The following OPCML variants were observed in gnomAD, a reference collection of about 807,000 sequenced individuals.
The protein encoded by OPCML is opioid binding protein/cell adhesion molecule like.
OPCML carries 13 observed loss-of-function variants against 37.8 expected under a neutral mutation model. That is an observed-to-expected ratio of 0.34 (90% confidence interval 0.22 to 0.55). The LOEUF (loss-of-function observed/expected upper bound fraction) is 0.55, where lower values mean the gene tolerates loss of function less well. OPCML is among the 20% of genes least tolerant of loss of function. The pLI is 0.91. For missense variants in OPCML, 341 were observed against 435.6 expected (o/e 0.78, Z 1.93); for synonymous variants, 176 against 168.8 (o/e 1.04, Z -0.33).
intron 2 of OPCML, among the ~76,000 whole-genome samples, chr11:132,887,872 T>C (rs904603672): frequency 1.3e-5 from 2 of 152,216 alleles, no homozygotes; most frequent in East Asian, 3.9e-4. Flanking sequence ...ATGTGAAATA[T>C]ATTTCCTATC....
chr11:132,687,570 A>T (rs1271006943), intron 2 of OPCML, among the ~76,000 whole-genome samples: 2 of 151,534 alleles, frequency 1.3e-5, no homozygotes, highest in Non-Finnish European at 2.9e-5. Flanking sequence ...TTTCTATTAT[A>T]TTCTTTTCTT....
At chr11:133,339,449 T>G (rs1943814210) in intron 1 of OPCML, among the ~76,000 whole-genome samples, 1 of 152,222 alleles carries the variant, frequency 6.6e-6, no homozygotes, top group Non-Finnish European at 1.5e-5. Context: ...CAGGGAGGGC[T>G]GCCCACTGTT....
chr11:132,701,563 A>G (rs1170251872), intron 2 of OPCML, among the ~76,000 whole-genome samples: 8 of 152,218 alleles, frequency 5.3e-5, no homozygotes, highest in Non-Finnish European at 1.2e-4. Flanking sequence ...CCTTGTTGAC[A>G]GCAAATAGTT....
chr11:133,459,445 A>T (rs552961845), intron 1 of OPCML, among the ~76,000 whole-genome samples: 1 of 152,200 alleles, frequency 6.6e-6, no homozygotes, highest in Non-Finnish European at 1.5e-5. Context: ...ATGGATTGAA[A>T]GAAAGAATCC....
chr11:132,916,669 G>A (rs186216934), intron 2 of OPCML, among the ~76,000 whole-genome samples: 2 of 152,274 alleles, frequency 1.3e-5, no homozygotes, highest in East Asian at 1.9e-4. Flanking sequence ...AGAAGTCACC[G>A]GAAGAGAAGA....
At chr11:132,444,994 C>T (rs1447634844) in intron 4 of OPCML, among the ~76,000 whole-genome samples, 1 of 152,234 alleles carries the variant, frequency 6.6e-6, no homozygotes, top group Non-Finnish European at 1.5e-5. Context: ...AGCGCCTGGT[C>T]AATGTCTCAC....
chr11:133,438,599 C>T (rs1194013731), intron 1 of OPCML, among the ~76,000 whole-genome samples: 2 of 152,144 alleles, frequency 1.3e-5, no homozygotes, highest in Non-Finnish European at 2.9e-5. Flanking sequence ...GATATTTGAT[C>T]TTTGCACCTT....
chr11:132,591,581 T>C (rs1026234811), intron 3 of OPCML, among the ~76,000 whole-genome samples: 1 of 152,214 alleles, frequency 6.6e-6, no homozygotes, highest in Non-Finnish European at 1.5e-5. Flanking sequence ...AATCCTCCAC[T>C]GTGCTGAGAA....
rs71477765 is a variant in OPCML at position 132,570,755 on chromosome 11, G to GTATATATATATATA, written c.380-41583_380-41570dup. Among the ~76,000 whole-genome samples the GTATATATATATATA allele has an allele frequency of 2.1e-3, 63 of 30,112 alleles. 3 individuals carry two copies. Among genetic ancestry groups the GTATATATATATATA allele is most frequent in the Non-Finnish European group, 2.8e-3 (44 of 15,840 alleles). The allele number at this position is 30,112 out of a possible 152,430, so 19.8% of individuals were successfully genotyped here. A position where few individuals can be genotyped will look rare whatever the true frequency, so the allele number is the denominator to read the frequency against. ...CTCAGGGGAATAGGCAGGAAAGAGA[G>GTATATATATATATA]TATATATATATATATATATATATAT... On this transcript the variant is annotated intron_variant, in intron 3 of 7. Transcript: ENST00000524381.
chr11:133,103,114 T>C (rs1373570851), intron 1 of OPCML, among the ~76,000 whole-genome samples: 1 of 152,338 alleles, frequency 6.6e-6, no homozygotes, highest in East Asian at 1.9e-4. Context: ...ACAACATTAC[T>C]TTTTTTCTAA....
intron 3 of OPCML, among the ~76,000 whole-genome samples, chr11:132,547,140 T>A (rs1395157591): frequency 6.6e-6 from 1 of 152,224 alleles, no homozygotes; most frequent in Non-Finnish European, 1.5e-5. Flanking sequence ...GCTTGGCACA[T>A]ACTCAGTGGG....
intron 1 of OPCML, among the ~76,000 whole-genome samples, chr11:133,487,771 GTGTT>G (rs748003373): frequency 1.3e-3 from 167 of 131,028 alleles, no homozygotes; most frequent in Admixed American, 3.3e-3. Flanking sequence ...GAGATACTCT[GTGTT>G]TGTGTGTGTG....
chr11:133,420,112 C>T (rs2155777), intron 1 of OPCML: 39,817 of 271,056 alleles, frequency 0.15, 3,210 homozygotes, highest in African/African-American at 0.16. Context: ...TTGAAAATAC[C>T]GTGCTAGAGA....
At chr11:132,952,978 G>A (rs1444219032) in intron 1 of OPCML, among the ~76,000 whole-genome samples, 1 of 152,024 alleles carries the variant, frequency 6.6e-6, no homozygotes, top group Non-Finnish European at 1.5e-5. Flanking sequence ...AAATAAACAA[G>A]CCAACCTAAG....
chr11:133,410,803 C>T (rs1328726873), intron 1 of OPCML, among the ~76,000 whole-genome samples: 2 of 152,068 alleles, frequency 1.3e-5, no homozygotes, highest in African/African-American at 4.8e-5. Flanking sequence ...CACTTGACGA[C>T]ATGTTGTACA....
At chr11:133,054,055 CT>C (rs1189846384) in intron 1 of OPCML, among the ~76,000 whole-genome samples, 1 of 152,182 alleles carries the variant, frequency 6.6e-6, no homozygotes, top group East Asian at 1.9e-4. Flanking sequence ...TTTGATTCTT[CT>C]CTTTTCCTGG....
chr11:132,639,109 C>T (rs1029182586), intron 3 of OPCML, among the ~76,000 whole-genome samples: 1 of 152,210 alleles, frequency 6.6e-6, no homozygotes, highest in African/African-American at 2.4e-5. Flanking sequence ...ATGTTGGCAA[C>T]ATGTCATTAC....
At chr11:133,140,960 A>G (rs1216624407) in intron 1 of OPCML, among the ~76,000 whole-genome samples, 15 of 2,066 alleles carry the variant, frequency 7.3e-3, no homozygotes, top group East Asian at 0.25. Flanking sequence ...GAAGAAGAAG[A>G]AGAAGAAGAA....
At chr11:133,027,652 A>G (rs1947583939) in intron 1 of OPCML, among the ~76,000 whole-genome samples, 1 of 137,630 alleles carries the variant, frequency 7.3e-6, no homozygotes, top group African/African-American at 2.7e-5. Flanking sequence ...AATGTGATGC[A>G]TGTGTGGGGC....
Sources: gnomAD v4.1 joint callset for allele counts (sites outside exome capture counted in the v4.1 genomes callset) on GRCh38, gnomAD v4.1.1 for gene constraint, MANE v1.5 for transcripts, NCBI Gene and HGNC (gene_info 2026-07-23, HGNC 2026-07-21) for gene names.